DGKB: variants seen among roughly 807,000 people sequenced by gnomAD.
DGKB encodes diacylglycerol kinase beta, also known as 90 kDa diacylglycerol kinase.
A neutral mutation model predicts 114.3 loss-of-function variants in DGKB; 67 were observed. That is an observed-to-expected ratio of 0.59 (90% CI 0.48 to 0.72). The LOEUF is 0.72. Ranked by LOEUF, DGKB falls within the 30% of genes least tolerant of loss-of-function variation. DGKB has a pLI of 0.00. For missense variants in DGKB, 907 were observed against 975.2 expected, an observed-to-expected ratio of 0.93 and a Z score of 0.93; for synonymous variants, 398 against 323.1, an observed-to-expected ratio of 1.23 and a Z score of -2.49.
At chr7:14,633,630 T>G (rs1416251709) in intron 13 of DGKB, among the ~76,000 whole-genome samples, 1 of 151,866 alleles carries the variant, frequency 6.6e-6, no homozygotes, top group Non-Finnish European at 1.5e-5. Flanking sequence ...ATATCAAAGA[T>G]GAGCAGAGTA....
At chr7:14,325,439 A>G (rs774757082) in intron 23 of DGKB, among the ~76,000 whole-genome samples, 1 of 152,178 alleles carries the variant, frequency 6.6e-6, no homozygotes, top group Non-Finnish European at 1.5e-5. Context: ...GAAAGCAACA[A>G]ATGAGTAGAC....
intron 9 of DGKB, among the ~76,000 whole-genome samples, chr7:14,688,133 T>A (rs559913893): frequency 6.6e-6 from 1 of 152,284 alleles, no homozygotes; most frequent in Admixed American, 6.5e-5. Context: ...TTTATCTTAC[T>A]TAGATCGTAA....
chr7:14,715,078 T>C (rs997177596), intron 6 of DGKB, among the ~76,000 whole-genome samples: 1 of 152,136 alleles, frequency 6.6e-6, no homozygotes, highest in African/African-American at 2.4e-5. Flanking sequence ...AACTGAGTCC[T>C]GAGGAAGTTT....
chr7:14,641,757 T>A (rs1319266236), intron 13 of DGKB, among the ~76,000 whole-genome samples: 3 of 152,102 alleles, frequency 2.0e-5, no homozygotes, highest in African/African-American at 7.2e-5. Flanking sequence ...CACTGAAAAT[T>A]TAACAAACAT....
chr7:14,954,662 A>G (rs953031246), intron 1 of DGKB, among the ~76,000 whole-genome samples: 1 of 152,066 alleles, frequency 6.6e-6, no homozygotes, highest in African/African-American at 2.4e-5. Flanking sequence ...CATATTTAAG[A>G]TGCATTCTGC....
At chr7:14,798,057 G>A (rs1841649783) in intron 2 of DGKB, among the ~76,000 whole-genome samples, 1 of 152,130 alleles carries the variant, frequency 6.6e-6, no homozygotes, top group South Asian at 2.1e-4. Context: ...GCTTAGAATG[G>A]GGGAATGTGT....
chr7:14,824,335 T>G (rs1562634362), intron 2 of DGKB, among the ~76,000 whole-genome samples: 1 of 152,174 alleles, frequency 6.6e-6, no homozygotes, highest in Non-Finnish European at 1.5e-5. Context: ...AATAATTTTG[T>G]TTTTGCCTTT....
intron 23 of DGKB, among the ~76,000 whole-genome samples, chr7:14,277,866 C>T (rs959668582): frequency 7.2e-5 from 11 of 152,156 alleles, no homozygotes; most frequent in Non-Finnish European, 1.0e-4. Flanking sequence ...ATAAAGGCTG[C>T]ACTAATTTTC....
chr7:14,853,943 T>C (rs1439646286), intron 1 of DGKB, among the ~76,000 whole-genome samples: 1 of 151,998 alleles, frequency 6.6e-6, no homozygotes, highest in Non-Finnish European at 1.5e-5. Flanking sequence ...ATTCTATTAG[T>C]AAAATATATT....
At chr7:14,329,970 C>T (rs543227103) in intron 23 of DGKB, among the ~76,000 whole-genome samples, 1 of 151,972 alleles carries the variant, frequency 6.6e-6, no homozygotes, top group African/African-American at 2.4e-5. Flanking sequence ...AGACAGAGGA[C>T]TGGACAACTG....
chr7:14,305,016 T>C (rs868455290), intron 23 of DGKB, among the ~76,000 whole-genome samples: 32 of 152,238 alleles, frequency 2.1e-4, no homozygotes, highest in Middle Eastern at 3.4e-3. Context: ...TAAATAATAG[T>C]TGTTCACATT....
intron 21 of DGKB, among the ~76,000 whole-genome samples, chr7:14,347,910 T>C (rs1812751490): frequency 6.6e-6 from 1 of 152,072 alleles, no homozygotes; most frequent in Non-Finnish European, 1.5e-5. Context: ...TTGTAAATTA[T>C]ACCTTAATAA....
At chr7:14,549,480 T>C (rs1290178737) in intron 20 of DGKB, among the ~76,000 whole-genome samples, 1 of 152,164 alleles carries the variant, frequency 6.6e-6, no homozygotes, top group African/African-American at 2.4e-5. Flanking sequence ...TTTTAAAATA[T>C]TCTATTTAAT....
At chr7:14,697,136 T>A (rs541985764) in intron 8 of DGKB, among the ~76,000 whole-genome samples, 2 of 152,340 alleles carry the variant, frequency 1.3e-5, no homozygotes, top group South Asian at 4.1e-4. Context: ...TATTTTAATA[T>A]GTATTTTAAT....
At chr7:14,215,115 G>A (rs1180672791) in intron 23 of DGKB, among the ~76,000 whole-genome samples, 2 of 152,180 alleles carry the variant, frequency 1.3e-5, no homozygotes, top group African/African-American at 4.8e-5. Context: ...ATGACCGGAG[G>A]CAGCAGTTGA....
intron 1 of DGKB, among the ~76,000 whole-genome samples, chr7:14,892,140 G>T (rs896962276): frequency 6.6e-6 from 1 of 151,374 alleles, no homozygotes; most frequent in Non-Finnish European, 1.5e-5. Flanking sequence ...GGTGGGTCAA[G>T]CTACTGGATA....
chr7:14,707,002 C>G (rs1303129359), intron 6 of DGKB, among the ~76,000 whole-genome samples: 1 of 150,312 alleles, frequency 6.7e-6, no homozygotes, highest in Admixed American at 6.6e-5. Context: ...CACAAAAAAC[C>G]CTTCAAAAAG....
At chr7:14,626,911 A>G (rs894296987) in intron 14 of DGKB, among the ~76,000 whole-genome samples, 3 of 152,184 alleles carry the variant, frequency 2.0e-5, no homozygotes, top group African/African-American at 7.2e-5. Flanking sequence ...TTTAGAAGCC[A>G]AATTGCAGCT....
intron 5 of DGKB, among the ~76,000 whole-genome samples, chr7:14,727,092 G>C (rs1282825215): frequency 6.6e-6 from 1 of 151,948 alleles, no homozygotes; most frequent in Non-Finnish European, 1.5e-5. Flanking sequence ...AAATATTTTT[G>C]AACATGAAAG....
Sources: allele counts gnomAD v4.1 joint callset (sites outside exome capture counted in the v4.1 genomes callset), GRCh38; gene constraint gnomAD v4.1.1; transcripts MANE v1.5; gene names NCBI Gene and HGNC (gene_info 2026-07-23, HGNC 2026-07-21).